The following ABTB2 variants were observed in gnomAD, a reference collection of about 807,000 sequenced individuals.
The protein encoded by ABTB2 is ankyrin repeat and BTB domain containing 2, also known as ankyrin repeat and BTB/POZ domain-containing protein 2.
A neutral mutation model predicts 104.1 loss-of-function variants in ABTB2; 56 were observed. That is an observed-to-expected ratio of 0.54 (90% CI 0.43 to 0.67). The LOEUF (loss-of-function observed/expected upper bound fraction) is 0.67. Among genes scored for constraint, ABTB2 ranks in the 30% least tolerant of loss-of-function variants. ABTB2 has a pLI of 0.00. For missense variants in ABTB2, 1,279 were observed against 1,407.7 expected (o/e 0.91, Z 1.46); for synonymous variants, 606 against 608.2 (o/e 1.00, Z 0.05).
rs1014397064 is a variant in ABTB2, at chr11:34,272,722, A to C, written c.884-68032T>G. 7.3e-5 allele frequency among the ~76,000 whole-genome samples: 11 copies of C among 150,310 alleles called. No individual in the cohort carries two copies. In the South Asian group the frequency reaches 8.4e-4, roughly 11 times the overall value. On this transcript the variant is annotated intron_variant, in intron 1 of 16. Coordinates refer to ENST00000435224, the MANE Select transcript of ABTB2 (RefSeq NM_145804.3). ...ACTCCGTCTCAAAAAAAAAAAAAAAAAAAAAAAAACCAACCAACCATACAC... is the reference window on the plus strand; with the variant it reads ...ACTCCGTCTCAAAAAAAAAAAAAAACAAAAAAAAACCAACCAACCATACAC...
intron 1 of ABTB2, among the ~76,000 whole-genome samples, chr11:34,224,844 G>T (rs989228865): frequency 2.2e-4 from 33 of 152,324 alleles, no homozygotes; most frequent in African/African-American, 7.9e-4. Context: ...AGGTAGGAAT[G>T]ATTTGAGATA....
rs1852862957 is a variant in ABTB2 at position 34,170,848 on chromosome 11, G to A, written c.1563+58C>T. ...GGACAGAGGGCCGCCAATGCTGGGA[G>A]CTGAGAATTCCCAACTCTGGTCCTC... On this transcript the variant is annotated intron_variant, in intron 5 of 16. Transcript: ENST00000435224. 5.1e-6 allele frequency: 8 copies of A among 1,580,174 alleles called. No homozygotes were observed. In the South Asian group the frequency reaches 5.8e-5, roughly 11 times the overall value.
chr11:34,239,345 A>T (rs112591496), intron 1 of ABTB2, among the ~76,000 whole-genome samples: 2 of 151,746 alleles, frequency 1.3e-5, no homozygotes, highest in African/African-American at 4.8e-5. Context: ...GTCTTTTTTT[A>T]AATTTATTTT....
In ABTB2 at chr11:34,357,061, C is replaced by A. The variant is rs945961585; in HGVS notation, c.523G>T (p.Ala175Ser). The A allele has an allele frequency of 4.0e-5, 61 of 1,524,986 alleles. No homozygotes were observed. The highest frequency in any genetic ancestry group is 5.3e-5 in the Non-Finnish European group (60 of 1,137,760). 94.5% of individuals were successfully genotyped at this position (1,524,986 alleles called of 1,614,324 possible). ...GACAGCGCCTTGACGGCTGCCAGCG[C>A]GCAGCTCTCGGCCAGCGCCCAGCTG... ...VHSWALAESCALAAVKALSLY... is the reference protein window; with the variant it reads ...VHSWALAESCSLAAVKALSLY... The change falls in exon 1 of 17, where the codon GCG (alanine) becomes TCG (serine). Residue 175 changes from alanine to serine, a missense_variant. Ala to Ser is a moderately conservative substitution (Grantham distance 99, BLOSUM62 1). Transcript: ENST00000435224.
chr11:34,317,407 C>G (rs1049241796), intron 1 of ABTB2, among the ~76,000 whole-genome samples: 17 of 152,128 alleles, frequency 1.1e-4, no homozygotes, highest in South Asian at 2.1e-4. Flanking sequence ...TTGCGCTCTG[C>G]CCACAGACTG....
At chr11:34,260,564 A>G (rs1590233041) in intron 1 of ABTB2, among the ~76,000 whole-genome samples, 2 of 152,272 alleles carry the variant, frequency 1.3e-5, no homozygotes, top group South Asian at 4.1e-4. Context: ...ACACACAGCT[A>G]CCTCCTTCAA....
chr11:34,195,299 T>A (rs1275256874), intron 3 of ABTB2, among the ~76,000 whole-genome samples: 1 of 152,188 alleles, frequency 6.6e-6, no homozygotes, highest in East Asian at 1.9e-4. Context: ...CCTGCTCTTT[T>A]TCCTTCCCAG....
At chr11:34,190,565 G>T (rs1853162857) in intron 3 of ABTB2, among the ~76,000 whole-genome samples, 1 of 152,202 alleles carries the variant, frequency 6.6e-6, no homozygotes, top group Admixed American at 6.5e-5. Context: ...GGGAGAAACA[G>T]GAGTAAGTCA....
intron 1 of ABTB2, among the ~76,000 whole-genome samples, chr11:34,336,488 A>T (rs370573512): frequency 9.9e-5 from 15 of 152,160 alleles, no homozygotes; most frequent in African/African-American, 3.1e-4. Flanking sequence ...AAAAAATTTT[A>T]AAAAATTATC....
chr11:34,323,884 T>C (rs1290268734), intron 1 of ABTB2, among the ~76,000 whole-genome samples: 1 of 150,960 alleles, frequency 6.6e-6, no homozygotes, highest in Non-Finnish European at 1.5e-5. Flanking sequence ...TAATGAGCAC[T>C]TTACATCAAC....
rs146982846 is a variant in ABTB2, at chr11:34,307,036, A to T, written c.883+49665T>A. Reference sequence around the variant, plus strand: ...AAAAAAGCAGACGAACTTTAAGAAGACTCAGTAAAGGGCCACTGCGTGTAG... The same window carrying T: ...AAAAAAGCAGACGAACTTTAAGAAGTCTCAGTAAAGGGCCACTGCGTGTAG... On this transcript the variant is annotated intron_variant, in intron 1 of 16. Coordinates refer to ENST00000435224, the MANE Select transcript of ABTB2 (RefSeq NM_145804.3). 1.1e-4 allele frequency among the ~76,000 whole-genome samples: 17 copies of T among 151,784 alleles called. No homozygotes were observed. The East Asian group carries it at 3.3e-3, about 29-fold the overall frequency.
Position 34,159,358 on chromosome 11 carries a change from C to G in ABTB2, c.2635G>C (p.Glu879Gln), listed in dbSNP as rs541152658. ...GTCTTGCTGCTGTCCCCATCCTGTT[C>G]TGATTTATTGGTCATTAGTGTCTTG... ...RFKTLMTNKS[E>Q]QDGDSSKTIE... Residue 879 changes from glutamate to glutamine, a missense_variant, in exon 14 of 17, where the codon GAA (glutamate) becomes CAA (glutamine). Physicochemically the swap from Glu to Gln is conservative, Grantham distance 29 (BLOSUM62 2). Transcript: ENST00000435224. 2 of 1,613,936 alleles carry G rather than the reference C, an allele frequency of 1.2e-6. No individual in the cohort carries two copies. The highest frequency in any genetic ancestry group is 1.7e-6 in the Non-Finnish European group (2 of 1,179,910).
chr11:34,307,509 G>T (rs910063752), intron 1 of ABTB2, among the ~76,000 whole-genome samples: 4 of 152,226 alleles, frequency 2.6e-5, no homozygotes, highest in Admixed American at 2.0e-4. Context: ...AGCAGGAAAT[G>T]AAGGAAAGAG....
chr11:34,171,158 T>C, intron 4 of ABTB2, 87 bp from the exon 5 acceptor site: 1 of 1,445,278 alleles, frequency 6.9e-7, no homozygotes, highest in East Asian at 2.4e-5. Context: ...GCTTTACGTG[T>C]AGAGTGAGGA....
intron 10 of ABTB2, among the ~76,000 whole-genome samples, chr11:34,161,390 G>A (rs1035912328): frequency 2.0e-5 from 3 of 152,218 alleles, no homozygotes; most frequent in Non-Finnish European, 2.9e-5. Flanking sequence ...AAAGTTGACC[G>A]CCCAGCCTGG....
At chr11:34,246,601 CAAAA>C (rs60681759) in intron 1 of ABTB2, among the ~76,000 whole-genome samples, 12 of 34,768 alleles carry the variant, frequency 3.5e-4, no homozygotes, top group South Asian at 1.7e-3. Flanking sequence ...AACTCCATCT[CAAAA>C]AAAAAAAAAA....
chr11:34,267,166 G>A (rs960031372), intron 1 of ABTB2, among the ~76,000 whole-genome samples: 1 of 152,136 alleles, frequency 6.6e-6, no homozygotes, highest in South Asian at 2.1e-4. Flanking sequence ...CATGTGTCAC[G>A]ACGGCCAAGT....
At chr11:34,176,407 G>A (rs1222964859) in intron 3 of ABTB2, among the ~76,000 whole-genome samples, 4 of 152,066 alleles carry the variant, frequency 2.6e-5, no homozygotes, top group African/African-American at 9.7e-5. Context: ...TTCTAAGCAC[G>A]GGAACAATGA....
At chr11:34,210,217 G>A (rs144090022) in intron 1 of ABTB2, among the ~76,000 whole-genome samples, 92 of 152,262 alleles carry the variant, frequency 6.0e-4, no homozygotes, top group Non-Finnish European at 1.2e-3. Flanking sequence ...TGTAAACCAC[G>A]GGGGTGGAAT....
Sources: allele counts gnomAD v4.1 joint callset (sites outside exome capture counted in the v4.1 genomes callset), GRCh38; gene constraint gnomAD v4.1.1; transcripts MANE v1.5; gene names NCBI Gene and HGNC (gene_info 2026-07-23, HGNC 2026-07-21).